CIMIP2A: variants seen among roughly 807,000 people sequenced by gnomAD.
The protein encoded by CIMIP2A is family with sequence similarity 166 member A.
At chr9:137,254,183 C>T in the CIMIP2A span, among the ~76,000 whole-genome samples, 5 of 152,376 alleles carry the variant, frequency 3.3e-5, no homozygotes, top group East Asian at 1.9e-4. Flanking sequence ...AGGCTCTGGG[C>T]AGCTGCTTCT....
the CIMIP2A span, chr9:137,243,742 C>T: frequency 5.0e-6 from 8 of 1,613,994 alleles, no homozygotes; most frequent in South Asian, 4.4e-5. Context: ...TCCAGTAGGC[C>T]CTCCGGGTGC....
chr9:137,247,526 C>T, the CIMIP2A span: 1 of 810,966 alleles, frequency 1.2e-6, no homozygotes, highest in East Asian at 2.7e-5. Context: ...ACTGCAGTGC[C>T]CCGTGGTGTG....
chr9:137,244,211 G>T, the CIMIP2A span: 2 of 1,613,832 alleles, frequency 1.2e-6, no homozygotes, highest in Non-Finnish European at 1.7e-6. Context: ...GGCCTTGGCT[G>T]CTGTAGATGT....
At chr9:137,247,893 C>T in the CIMIP2A span, 1 of 626,612 alleles carries the variant, frequency 1.6e-6, no homozygotes, top group South Asian at 1.9e-5. Flanking sequence ...ACACTGAGGC[C>T]CAGACAGGTG....
At chr9:137,251,885 G>C in the CIMIP2A span, 4 of 1,607,920 alleles carry the variant, frequency 2.5e-6, no homozygotes, top group Admixed American at 1.7e-5. Context: ...CCCAGACCCT[G>C]AGGGAACTAT....
the CIMIP2A span, chr9:137,251,332 T>C: frequency 6.2e-7 from 1 of 1,613,568 alleles, no homozygotes; most frequent in Admixed American, 1.7e-5. Context: ...GGCAAATTTT[T>C]ACATCAATGG....
chr9:137,244,558 C>A, the CIMIP2A span: 1 of 1,569,060 alleles, frequency 6.4e-7, no homozygotes, highest in Non-Finnish European at 8.7e-7. Context: ...ACCTGGCCTT[C>A]AAGGCACCCT....
chr9:137,244,166 C>CA, the CIMIP2A span: 2 of 1,613,738 alleles, frequency 1.2e-6, no homozygotes, highest in Middle Eastern at 1.7e-4. Context: ...GCCCACTCTA[C>CA]TCACCGGGGA....
the CIMIP2A span, chr9:137,245,169 TGCTGGCG>T: frequency 7.9e-7 from 1 of 1,270,828 alleles, no homozygotes; most frequent in Non-Finnish European, 1.1e-6. Context: ...TAGCGTCTCC[TGCTGGCG>T]GCGGGCGGGG....
the CIMIP2A span, among the ~76,000 whole-genome samples, chr9:137,246,538 C>T: frequency 2.0e-5 from 3 of 152,024 alleles, no homozygotes; most frequent in African/African-American, 4.8e-5. Flanking sequence ...CTGAGGCGGG[C>T]GGATCACGAG....
chr9:137,243,736 G>C, the CIMIP2A span: 3 of 1,614,152 alleles, frequency 1.9e-6, no homozygotes, highest in East Asian at 4.5e-5. Context: ...ATTCCTTCCA[G>C]TAGGCCCTCC....
At chr9:137,248,385 A>G in the CIMIP2A span, among the ~76,000 whole-genome samples, 3 of 152,004 alleles carry the variant, frequency 2.0e-5, no homozygotes, top group Non-Finnish European at 4.4e-5. Context: ...TCTACTAAAA[A>G]TACAAAAATT....
At chr9:137,253,381 C>A in the CIMIP2A span, 1 of 1,514,890 alleles carries the variant, frequency 6.6e-7, no homozygotes, top group Non-Finnish European at 8.8e-7. Flanking sequence ...ATGCACCCTT[C>A]TGGCTGGCCA....
the CIMIP2A span, among the ~76,000 whole-genome samples, chr9:137,247,066 A>G: frequency 6.6e-6 from 1 of 152,050 alleles, no homozygotes; most frequent in African/African-American, 2.4e-5. Context: ...TGGGCAGATC[A>G]CTTGAGGTCA....
the CIMIP2A span, chr9:137,251,492 G>A: frequency 2.8e-6 from 3 of 1,070,778 alleles, no homozygotes; most frequent in Non-Finnish European, 4.2e-6. Flanking sequence ...CAGGCGGCTG[G>A]GGGACTGAGG....
the CIMIP2A span, chr9:137,245,856 G>A: frequency 6.7e-7 from 1 of 1,502,856 alleles, no homozygotes; most frequent in African/African-American, 1.4e-5. Context: ...CGGCATAGCT[G>A]TGGAGGGAAG....
At chr9:137,246,574 C>T in the CIMIP2A span, among the ~76,000 whole-genome samples, 86 of 152,084 alleles carry the variant, frequency 5.7e-4, no homozygotes, top group African/African-American at 1.9e-3. Flanking sequence ...CCATCCTGGC[C>T]AACATGGTGA....
chr9:137,247,619 C>T, the CIMIP2A span: 2 of 1,591,998 alleles, frequency 1.3e-6, no homozygotes, highest in Non-Finnish European at 1.7e-6. Flanking sequence ...CCCCCTCCTG[C>T]AGCCCTGGCC....
the CIMIP2A span, chr9:137,245,974 G>T: frequency 1.4e-6 from 1 of 730,794 alleles, no homozygotes. Context: ...TTGGCCTGTG[G>T]CAGCTCGCCT....
Sources: allele counts gnomAD v4.1 joint callset (sites outside exome capture counted in the v4.1 genomes callset), GRCh38; gene constraint gnomAD v4.1.1; transcripts MANE v1.5; gene names NCBI Gene and HGNC (gene_info 2026-07-23, HGNC 2026-07-21).